The following ENPP2 variants were observed in gnomAD, a reference collection of about 807,000 sequenced individuals.
ENPP2 encodes the protein ectonucleotide pyrophosphatase/phosphodiesterase 2.
In ENPP2, 51 loss-of-function variants were observed where a neutral mutation model predicts 120.2. The observed-to-expected ratio is 0.42, with a 90% CI of 0.34 to 0.54. The LOEUF is 0.54. Among genes scored for constraint, ENPP2 ranks in the 20% least tolerant of loss-of-function variants. The probability of loss-of-function intolerance (pLI) is 0.04; values close to 1 mark genes in which losing one functional copy is unlikely to be tolerated. For synonymous variants in ENPP2, 365 were observed against 366.4 expected, an observed-to-expected ratio of 1.00 and a Z score of 0.04; for missense variants, 920 against 1,066.5, an observed-to-expected ratio of 0.86 and a Z score of 1.91.
At chr8:119,629,675 T>C (rs182131862) in intron 2 of ENPP2, among the ~76,000 whole-genome samples, 51 of 152,312 alleles carry the variant, frequency 3.3e-4, no homozygotes, top group East Asian at 3.1e-3. Context: ...GAAAATAATA[T>C]TCATTTCCAA....
intron 19 of ENPP2, chr8:119,572,020 T>C (rs1815036194): frequency 1.2e-5 from 7 of 577,316 alleles, no homozygotes; most frequent in Middle Eastern, 4.7e-4. Flanking sequence ...TTAGTTAAGC[T>C]GCCAAATTTG....
rs186378361 is a variant in ENPP2, at chr8:119,633,954, G to A, written c.136+4471C>T. Among the ~76,000 whole-genome samples, 11 of 151,030 alleles carry A rather than the reference G, an allele frequency of 7.3e-5. No homozygotes were observed. The East Asian group carries it at 2.1e-3, about 29-fold the overall frequency. On this transcript the variant is annotated intron_variant, in intron 2 of 24. Coordinates refer to ENST00000075322, the MANE Select transcript of ENPP2 (RefSeq NM_001040092.3). ...TCCTAGCAATTTGGGAGGCTGAGGCGAGTGGATCACCTGAGGTCAGGAGTT... is the reference window on the plus strand; with the variant it reads ...TCCTAGCAATTTGGGAGGCTGAGGCAAGTGGATCACCTGAGGTCAGGAGTT...
exon 1 of ENPP2, chr8:119,673,329 G>A (rs1174064591): frequency 1.3e-6 from 2 of 1,531,642 alleles, no homozygotes; most frequent in African/African-American, 2.7e-5. Context: ...GGCCTGGGCT[G>A]CAGCCCCGCG....
chr8:119,642,576 C>T (rs1817314897), upstream of ENPP2, among the ~76,000 whole-genome samples: 2 of 151,992 alleles, frequency 1.3e-5, no homozygotes, highest in South Asian at 4.2e-4. Context: ...AATTGTTTGG[C>T]CTAATTCATA....
rs895589012 is a variant in ENPP2 at position 119,600,824 on chromosome 8, A to G, written c.900-74T>C. 5 of 874,718 alleles carry G rather than the reference A, an allele frequency of 5.7e-6. No homozygotes were observed. In the African/African-American group the frequency reaches 6.8e-5, roughly 12 times the overall value. The allele number at this position is 874,718 out of a possible 1,614,324, so 54.2% of individuals were successfully genotyped here. On this transcript the variant is annotated intron_variant, in intron 10 of 24. Coordinates refer to ENST00000075322, the MANE Select transcript of ENPP2 (RefSeq NM_001040092.3). ...AAAAAATATCACATATTTTTAAAAA[A>G]CGCATTTAAAAAAAAATGTTCTCAA...
Position 119,600,836 on chromosome 8 carries a change from A to G in ENPP2, c.900-86T>C, listed in dbSNP as rs191787347. On this transcript the variant is annotated intron_variant, in intron 10 of 24. Coordinates refer to ENST00000075322, the MANE Select transcript of ENPP2 (RefSeq NM_001040092.3). ...ATATTTTTAAAAAACGCATTTAAAA[A>G]AAAATGTTCTCAAGTTTAATTTATC... 1,709 of 837,784 alleles carry G rather than the reference A, an allele frequency of 2.0e-3. 4 individuals carry two copies. Among genetic ancestry groups the G allele is most frequent in the Admixed American group, 3.4e-3 (147 of 43,654 alleles). 51.9% of individuals were successfully genotyped at this position (837,784 alleles called of 1,614,324 possible).
chr8:119,586,950 C>T (rs763200919), intron 14 of ENPP2, 94 bp downstream of exon 14: 7 of 1,025,048 alleles, frequency 6.8e-6, no homozygotes, highest in African/African-American at 1.6e-5. Flanking sequence ...GTTCCTCCCA[C>T]CCCTCCCCGC....
rs752563633 is a variant in ENPP2, at chr8:119,621,462, G to T, written c.350C>A (p.Ala117Asp). The change falls in exon 4 of 25, where the codon GCC becomes GAC. Residue 117 changes from alanine (A) to aspartate (D), a missense_variant. Physicochemically the swap from Ala to Asp is moderately radical, Grantham distance 126. Coordinates refer to ENST00000075322, the MANE Select transcript of ENPP2 (RefSeq NM_001040092.3). ...CAAGCAGTCCTCTGAGCAGTGACAG[G>T]CATTTTCTTCATTTCTGACTTCTCC... Reference protein sequence around the residue: ...RCGEVRNEENACHCSEDCLAR... With the variant: ...RCGEVRNEENDCHCSEDCLAR... 2 of 1,613,078 alleles carry T rather than the reference G, an allele frequency of 1.2e-6. No individual in the cohort carries two copies. Among genetic ancestry groups the T allele is most frequent in the Non-Finnish European group, 1.7e-6 (2 of 1,179,170 alleles).
intron 2 of ENPP2, among the ~76,000 whole-genome samples, chr8:119,627,516 G>A (rs1005670870): frequency 1.3e-5 from 2 of 151,872 alleles, no homozygotes; most frequent in African/African-American, 4.8e-5. Context: ...TTAATCATAT[G>A]TATGTAGAAC....
At chr8:119,665,603 A>C (rs1159568853) in intron 1 of ENPP2, among the ~76,000 whole-genome samples, 1 of 152,246 alleles carries the variant, frequency 6.6e-6, no homozygotes, top group Non-Finnish European at 1.5e-5. Flanking sequence ...TTTACTTATC[A>C]GTTATCAATC....
At chr8:119,571,057 T>A (rs1587349594) in intron 19 of ENPP2, 1 of 358,926 alleles carries the variant, frequency 2.8e-6, no homozygotes, top group Non-Finnish European at 4.9e-6. Flanking sequence ...ATCAAAACCA[T>A]AATGTAAATG....
intron 24 of ENPP2, 108 bp from the exon 25 acceptor site, chr8:119,557,799 A>C: frequency 1.1e-6 from 1 of 877,760 alleles, no homozygotes; most frequent in Non-Finnish European, 1.7e-6. Context: ...TCTTGCACAC[A>C]GAGCCAACGC....
intron 20 of ENPP2, among the ~76,000 whole-genome samples, chr8:119,570,324 G>A (rs1451650880): frequency 6.8e-6 from 1 of 147,646 alleles, no homozygotes; most frequent in Non-Finnish European, 1.5e-5. Flanking sequence ...GTTGAAGGGG[G>A]GTGGGTGAGT....
intron 1 of ENPP2, among the ~76,000 whole-genome samples, chr8:119,654,834 C>T (rs1817724051): frequency 6.6e-6 from 1 of 152,292 alleles, no homozygotes; most frequent in Middle Eastern, 3.4e-3. Context: ...AACATCTAAG[C>T]TTCTTTCCAA....
Position 119,590,579 on chromosome 8 carries a change from G to A in ENPP2, c.1133C>T (p.Thr378Ile), listed in dbSNP as rs1231944947. ...DRTEFLSNYL[T>I]NVDDITLVPG... ...CACTAAAGTAATATCATCCACATTA[G>A]TTAGGTAATTACTCAAGAACTCAGT... The change falls in exon 13 of 25, where the codon ACT becomes ATT. Residue 378 changes from threonine (T) to isoleucine (I), a missense_variant. Thr to Ile is a moderately conservative substitution (Grantham distance 89). Coordinates refer to ENST00000075322, the MANE Select transcript of ENPP2 (RefSeq NM_001040092.3). The A allele has an allele frequency of 4.4e-6, 7 of 1,592,962 alleles. No individual in the cohort carries two copies. The Admixed American group carries it at 1.2e-4, about 28-fold the overall frequency.
chr8:119,664,426 G>C (rs545856167), intron 1 of ENPP2, among the ~76,000 whole-genome samples: 2 of 152,164 alleles, frequency 1.3e-5, no homozygotes, highest in East Asian at 3.9e-4. Context: ...CTTTGGTCAG[G>C]GTCAAGGAGA....
chr8:119,673,248 G>C, intron 1 of ENPP2: 1 of 1,534,134 alleles, frequency 6.5e-7, no homozygotes, highest in South Asian at 1.2e-5. Flanking sequence ...GGCGCATACC[G>C]TACCCGATCG....
chr8:119,662,521 T>C (rs1249974600), intron 1 of ENPP2, among the ~76,000 whole-genome samples: 1 of 152,160 alleles, frequency 6.6e-6, no homozygotes, highest in African/African-American at 2.4e-5. Context: ...GCAGCAGGTG[T>C]TCAAACAAGC....
chr8:119,668,086 T>C (rs961819272), intron 1 of ENPP2, among the ~76,000 whole-genome samples: 2 of 152,182 alleles, frequency 1.3e-5, no homozygotes, highest in African/African-American at 4.8e-5. Context: ...CTAGATTAAA[T>C]ATCCCTTCTC....
Sources: allele counts gnomAD v4.1 joint callset (sites outside exome capture counted in the v4.1 genomes callset), GRCh38; gene constraint gnomAD v4.1.1; transcripts MANE v1.5; gene names NCBI Gene and HGNC (gene_info 2026-07-23, HGNC 2026-07-21).